The following ASH1L variants were observed in gnomAD, a reference collection of about 807,000 sequenced individuals.
ASH1L encodes the protein histone-lysine N-methyltransferase ASH1L.
In ASH1L, 23 loss-of-function variants were observed where a neutral mutation model predicts 269.0. That is an observed-to-expected ratio of 0.09 (90% CI 0.06 to 0.12). ASH1L has a LOEUF of 0.12. ASH1L is among the 10% of genes least tolerant of loss of function. The pLI is 1.00. For synonymous variants in ASH1L, 1,187 were observed against 1,253.5 expected, an observed-to-expected ratio of 0.95 and a Z score of 1.12; for missense variants, 2,912 against 3,567.8, an observed-to-expected ratio of 0.82 and a Z score of 4.68.
chr1:155,437,670 C>T (rs920362001), intron 5 of ASH1L, among the ~76,000 whole-genome samples: 6 of 152,144 alleles, frequency 3.9e-5, no homozygotes, highest in Non-Finnish European at 4.4e-5. Context: ...AGCGGCGTTA[C>T]GGCATGGAAA....
intron 2 of ASH1L, among the ~76,000 whole-genome samples, chr1:155,501,135 G>T (rs908786807): frequency 6.6e-6 from 1 of 152,168 alleles, no homozygotes; most frequent in African/African-American, 2.4e-5. Context: ...CCTATTTGGG[G>T]TAAGTCATTA....
At position 155,363,029 on chromosome 1, in the gene ASH1L, G is replaced by C. The variant is rs529600718; in HGVS notation, c.6687-2620C>G. ...ATGGAGTTTTGCTCTTGTTGCCCAG[G>C]CTGGAGTGTAATGGCGGGAACTTGG... On this transcript the variant is annotated intron_variant, in intron 12 of 27. Transcript: ENST00000392403. 1.6e-4 allele frequency among the ~76,000 whole-genome samples: 25 copies of C among 152,160 alleles called. No individual in the cohort carries two copies. The South Asian group carries it at 5.0e-3, about 30-fold the overall frequency.
At chr1:155,541,329 T>C (rs1292087688) in intron 1 of ASH1L, among the ~76,000 whole-genome samples, 3 of 151,940 alleles carry the variant, frequency 2.0e-5, no homozygotes, top group Non-Finnish European at 4.4e-5. Flanking sequence ...ATATTTTTCT[T>C]TAAATATTAT....
chr1:155,521,401 T>A lies in ASH1L; in HGVS notation c.119A>T (p.Glu40Val). 1 of 1,614,202 alleles carries A rather than the reference T, an allele frequency of 6.2e-7. No homozygotes were observed. The highest frequency in any genetic ancestry group is 8.5e-7 in the Non-Finnish European group (1 of 1,180,034). Residue 40 changes from glutamate (E) to valine (V), a missense_variant, in exon 2 of 28, where the codon GAA (glutamate) becomes GTA (valine). Glu to Val is a moderately radical substitution (Grantham distance 121). Transcript: ENST00000392403. ...GTCCTCTTCCTCCTTTGTGTTTTTT[T>A]CTAGCTCTACTTCTCTCTTACTGAC... ...TLVSKREVEL[E>V]KNTKEEEDLR...
chr1:155,348,875 TG>T (rs1227954900), intron 19 of ASH1L, among the ~76,000 whole-genome samples: 9 of 143,772 alleles, frequency 6.3e-5, no homozygotes, highest in African/African-American at 2.3e-4. Context: ...AGCAAGATTC[TG>T]TCTCATTTAA....
chr1:155,518,919 T>C lies in ASH1L; in HGVS notation c.420+2181A>G, dbSNP rs184339223. 1.3e-4 allele frequency among the ~76,000 whole-genome samples: 20 copies of C among 152,176 alleles called. 1 individual carries two copies. The East Asian group carries it at 3.5e-3, about 26-fold the overall frequency. ...AAATCAAAAACTCATGCATTGCTGATGGGATATGAAACAGTATAGCCACTG... is the reference window on the plus strand; with the variant it reads ...AAATCAAAAACTCATGCATTGCTGACGGGATATGAAACAGTATAGCCACTG... On this transcript the variant is annotated intron_variant, in intron 2 of 27. Coordinates refer to ENST00000392403, the MANE Select transcript of ASH1L (RefSeq NM_018489.3).
intron 7 of ASH1L, among the ~76,000 whole-genome samples, chr1:155,383,930 T>C (rs1657194522): frequency 6.6e-6 from 1 of 152,176 alleles, no homozygotes; most frequent in South Asian, 2.1e-4. Context: ...CAAATTGTGT[T>C]ATGTATATTT....
Position 155,481,497 on chromosome 1 carries a change from T to A in ASH1L, c.1373A>T (p.Asp458Val). 1.9e-6 allele frequency: 3 copies of A among 1,614,188 alleles called. No individual in the cohort carries two copies. The highest frequency in any genetic ancestry group is 2.5e-6 in the Non-Finnish European group (3 of 1,180,012). The change falls in exon 3 of 28, where the codon GAT (aspartate) becomes GTT (valine). Residue 458 changes from aspartate to valine, a missense_variant. This residue lies in a region of ASH1L where 715 missense variants were observed against 721.0 expected (regional missense o/e 0.99). Transcript: ENST00000392403. ...TTCAAAAGTTTTGCTGGTGGCACTA[T>A]CTTTCAGGGATTCAGAAAGTTCCTG... The part of the protein sequence containing the change: ...ESQELSESLK[D>V]SATSKTFEKN...
rs945348235 is a variant in ASH1L, at chr1:155,339,311, C to G, written c.8501+17G>C. 3.1e-6 allele frequency: 5 copies of G among 1,610,584 alleles called. No individual in the cohort carries two copies. The highest frequency in any genetic ancestry group is 4.2e-6 in the Non-Finnish European group (5 of 1,176,970). The stretch of plus-strand genomic sequence containing the variant: ...AGTCAATCCCTTAGGATCCTCATAT[C>G]CCCCCATGGGACTTACCGTCCTCCA... On this transcript the variant is annotated intron_variant, in intron 26 of 27. Transcript: ENST00000392403.
At chr1:155,356,459 C>G (rs984337396) in intron 15 of ASH1L, among the ~76,000 whole-genome samples, 9 of 151,840 alleles carry the variant, frequency 5.9e-5, no homozygotes, top group African/African-American at 2.2e-4. Context: ...ATGGTGAAAC[C>G]CTGTCTCTAC....
intron 2 of ASH1L, among the ~76,000 whole-genome samples, chr1:155,515,630 C>G (rs1019983766): frequency 5.9e-5 from 9 of 151,910 alleles, no homozygotes; most frequent in Non-Finnish European, 1.2e-4. Context: ...GAATTCGAGA[C>G]CATCCTGGCC....
chr1:155,548,051 C>T (rs1430750167), intron 1 of ASH1L, among the ~76,000 whole-genome samples: 5 of 152,082 alleles, frequency 3.3e-5, no homozygotes, highest in African/African-American at 1.2e-4. Flanking sequence ...TCATCCTCAG[C>T]AAACTAACAC....
At chr1:155,512,699 G>A (rs985099228) in intron 2 of ASH1L, among the ~76,000 whole-genome samples, 6 of 151,466 alleles carry the variant, frequency 4.0e-5, no homozygotes, top group Non-Finnish European at 8.8e-5. Context: ...TGATCCACCC[G>A]CCTCGGCCTC....
chr1:155,471,750 G>T (rs1053110280), intron 3 of ASH1L, among the ~76,000 whole-genome samples: 3 of 152,206 alleles, frequency 2.0e-5, no homozygotes, highest in African/African-American at 7.2e-5. Context: ...AAATTGAGGG[G>T]GTTGCACGAA....
At chr1:155,354,697 C>T in intron 15 of ASH1L, 67 bp from the exon 16 acceptor site, 1 of 1,460,782 alleles carries the variant, frequency 6.8e-7, no homozygotes, top group Non-Finnish European at 9.3e-7. Flanking sequence ...CATGTCTACT[C>T]TATGGAAGCC....
At chr1:155,550,199 T>C (rs1426935195) in intron 1 of ASH1L, among the ~76,000 whole-genome samples, 1 of 152,114 alleles carries the variant, frequency 6.6e-6, no homozygotes, top group Admixed American at 6.6e-5. Flanking sequence ...TTTTGCTTTT[T>C]AGTAGAGATG....
At chr1:155,341,325 T>C (rs181507096) in intron 25 of ASH1L, among the ~76,000 whole-genome samples, 232 of 151,998 alleles carry the variant, frequency 1.5e-3, no homozygotes, top group African/African-American at 5.3e-3. Flanking sequence ...CACAGGCACC[T>C]GCCACCACAC....
At chr1:155,500,569 A>G (rs1321248124) in intron 2 of ASH1L, among the ~76,000 whole-genome samples, 1 of 149,456 alleles carries the variant, frequency 6.7e-6, no homozygotes, top group Non-Finnish European at 1.5e-5. Context: ...AGGCATAAGG[A>G]AAAAAAAAAG....
In ASH1L at chr1:155,343,873, G is replaced by A. The variant is rs1406072064; in HGVS notation, c.7982-131C>T. Reference sequence around the variant, plus strand: ...ACAGTATAAATACAGAGAGCTAAAAGCAGCAGTGTTAAGTGATGATAATCA... The same window carrying A: ...ACAGTATAAATACAGAGAGCTAAAAACAGCAGTGTTAAGTGATGATAATCA... On this transcript the variant is annotated intron_variant, in intron 22 of 27. Coordinates refer to ENST00000392403, the MANE Select transcript of ASH1L (RefSeq NM_018489.3). This position sits in a 1 kb window ranked among gnomAD's most constrained non-coding sequence, Gnocchi z 6.1. The A allele has an allele frequency of 9.3e-7, 1 of 1,073,332 alleles. No individual in the cohort carries two copies. The allele number at this position is 1,073,332 out of a possible 1,614,324, so 66.5% of individuals were successfully genotyped here. A position where few individuals can be genotyped will look rare whatever the true frequency, so the allele number is the denominator to read the frequency against.
Sources: gnomAD v4.1 joint callset for allele counts (sites outside exome capture counted in the v4.1 genomes callset) on GRCh38, gnomAD v4.1.1 for gene constraint, gnomAD v4.1.1 regional missense constraint, Gnocchi (gnomAD v3.1) non-coding constraint, MANE v1.5 for transcripts, NCBI Gene and HGNC (gene_info 2026-07-23, HGNC 2026-07-21) for gene names.